The following TCF7L1 variants were observed in gnomAD, a reference collection of about 807,000 sequenced individuals.
TCF7L1 encodes the protein transcription factor 7-like 1.
In TCF7L1, 18 loss-of-function variants were observed where a neutral mutation model predicts 63.7. The observed-to-expected ratio is 0.28, with a 90% CI of 0.20 to 0.42. The LOEUF is 0.42. Among genes scored for constraint, TCF7L1 ranks in the 10% least tolerant of loss-of-function variants. The probability of loss-of-function intolerance (pLI) is 1.00; values close to 1 mark genes in which losing one functional copy is unlikely to be tolerated. For synonymous variants in TCF7L1, 355 were observed against 340.9 expected, an observed-to-expected ratio of 1.04 and a Z score of -0.46; for missense variants, 654 against 779.3, an observed-to-expected ratio of 0.84 and a Z score of 1.91.
intron 6 of TCF7L1, 55 bp from the exon 7 acceptor site, chr2:85,304,200 C>T: frequency 6.4e-7 from 1 of 1,552,358 alleles, no homozygotes; most frequent in Non-Finnish European, 8.8e-7. Flanking sequence ...AAGTGCCTCT[C>T]TTCCTCTGCC....
At chr2:85,250,406 A>G (rs1680561003) in intron 3 of TCF7L1, among the ~76,000 whole-genome samples, 1 of 151,998 alleles carries the variant, frequency 6.6e-6, no homozygotes, top group Non-Finnish European at 1.5e-5. Flanking sequence ...TCGGTAATAT[A>G]TTAAATATTA....
At position 85,306,550 on chromosome 2, in the gene TCF7L1, G is replaced by C. The variant is rs1451868988; in HGVS notation, c.1248G>C (p.Arg416=). 1 of 1,614,164 alleles carries C rather than the reference G, an allele frequency of 6.2e-7. No homozygotes were observed. Among genetic ancestry groups the C allele is most frequent in the Non-Finnish European group, 8.5e-7 (1 of 1,180,020 alleles). Residue 416 remains arginine (R), a synonymous_variant, in exon 10 of 12, where the codon CGG becomes CGC. Coordinates refer to ENST00000282111, the MANE Select transcript of TCF7L1 (RefSeq NM_031283.3). The surrounding 1 kb of genome is among the most constrained non-coding windows in gnomAD (Gnocchi z 4.3). ...HSQLYPTWSA[R]DNYGKKKKRK... ...AGCTCTACCCAACCTGGTCAGCCCG[G>C]GACAACTATGTAAGTGCACACTCTG... is the stretch of plus-strand genomic sequence containing the variant.
At chr2:85,179,049 G>C (rs1225199902) in intron 3 of TCF7L1, among the ~76,000 whole-genome samples, 3 of 152,260 alleles carry the variant, frequency 2.0e-5, no homozygotes, top group Admixed American at 6.5e-5. Flanking sequence ...CAGAGCTGGT[G>C]CTTCTCTCCA....
At chr2:85,181,545 G>A (rs1678806158) in intron 3 of TCF7L1, among the ~76,000 whole-genome samples, 1 of 152,128 alleles carries the variant, frequency 6.6e-6, no homozygotes, top group Non-Finnish European at 1.5e-5. Flanking sequence ...GCACACACAG[G>A]GAACCCCAGG....
Position 85,166,733 on chromosome 2 carries a change from G to T in TCF7L1, c.441+32283G>T, listed in dbSNP as rs1335563416. ...CAGAGCACACTCAAAAACTAAGGTG[G>T]TGGTTTTGTCCCAAAGCTGGTCATG... On this transcript the variant is annotated intron_variant, in intron 3 of 11. Transcript: ENST00000282111. Among the ~76,000 whole-genome samples the T allele has an allele frequency of 2.6e-5, 4 of 152,198 alleles. No individual in the cohort carries two copies. In the East Asian group the frequency reaches 7.7e-4, roughly 29 times the overall value.
intron 3 of TCF7L1, among the ~76,000 whole-genome samples, chr2:85,190,636 T>C (rs941814012): frequency 6.6e-6 from 1 of 152,166 alleles, no homozygotes; most frequent in African/African-American, 2.4e-5. Flanking sequence ...CTAAGGAGCC[T>C]TTGTGTTTCT....
chr2:85,285,061 G>A (rs778593572), intron 4 of TCF7L1, among the ~76,000 whole-genome samples: 4 of 152,072 alleles, frequency 2.6e-5, no homozygotes, highest in Non-Finnish European at 5.9e-5. Context: ...GTGAAACACC[G>A]TCTCTACTAA....
chr2:85,221,677 C>G (rs1003918851), intron 3 of TCF7L1, among the ~76,000 whole-genome samples: 1 of 152,120 alleles, frequency 6.6e-6, no homozygotes, highest in African/African-American at 2.4e-5. Context: ...AGGGCACAGC[C>G]CTCATAACCT....
intron 3 of TCF7L1, among the ~76,000 whole-genome samples, chr2:85,244,474 T>G (rs1680413902): frequency 6.6e-6 from 1 of 151,432 alleles, no homozygotes; most frequent in South Asian, 2.1e-4. Flanking sequence ...GAAGGAGGAG[T>G]GACAGGATTT....
At chr2:85,199,996 TACA>T (rs1181114513) in intron 3 of TCF7L1, among the ~76,000 whole-genome samples, 1 of 152,238 alleles carries the variant, frequency 6.6e-6, no homozygotes, top group Non-Finnish European at 1.5e-5. Context: ...GATGGAGTCA[TACA>T]ACATGTGGCC....
intron 4 of TCF7L1, among the ~76,000 whole-genome samples, chr2:85,301,027 G>A (rs531705316): frequency 5.9e-5 from 9 of 152,168 alleles, no homozygotes; most frequent in African/African-American, 7.2e-5. Flanking sequence ...TGTTCTGCCC[G>A]CCTTGGCCTC....
intron 3 of TCF7L1, among the ~76,000 whole-genome samples, chr2:85,211,162 T>C (rs1349041828): frequency 6.6e-6 from 1 of 152,242 alleles, no homozygotes; most frequent in Non-Finnish European, 1.5e-5. Context: ...AATTGCTTTC[T>C]TATTTACTGA....
chr2:85,221,046 C>T (rs1679830111), intron 3 of TCF7L1, among the ~76,000 whole-genome samples: 1 of 152,186 alleles, frequency 6.6e-6, no homozygotes, highest in African/African-American at 2.4e-5. Flanking sequence ...TATTGTTACG[C>T]ACTCAGGTAC....
chr2:85,223,485 A>G (rs1431359834), intron 3 of TCF7L1, among the ~76,000 whole-genome samples: 1 of 152,082 alleles, frequency 6.6e-6, no homozygotes, highest in Admixed American at 6.5e-5. Context: ...GGTTAGAGGG[A>G]GGGGCCGGCA....
intron 3 of TCF7L1, among the ~76,000 whole-genome samples, chr2:85,180,577 A>G (rs145110719): frequency 2.6e-4 from 39 of 152,264 alleles, no homozygotes; most frequent in African/African-American, 9.1e-4. Flanking sequence ...CCTCAGTGGA[A>G]TCTTCCACAC....
chr2:85,158,116 C>T (rs1160736223), intron 3 of TCF7L1, among the ~76,000 whole-genome samples: 1 of 152,168 alleles, frequency 6.6e-6, no homozygotes, highest in Non-Finnish European at 1.5e-5. Context: ...GTGTAAGGTG[C>T]TAGCTGAGTG....
chr2:85,133,758 C>T lies in TCF7L1; in HGVS notation c.74C>T (p.Ala25Val). Residue 25 changes from alanine to valine, a missense_variant, in exon 1 of 12, where the codon GCG becomes GTG. Ala to Val is a moderately conservative substitution (Grantham distance 64, BLOSUM62 0). Coordinates refer to ENST00000282111, the MANE Select transcript of TCF7L1 (RefSeq NM_031283.3). The surrounding 1 kb of genome is among the most constrained non-coding windows in gnomAD (Gnocchi z 4.4). ...GGAGGCGGCGGCTCCAGCGCCGGGG[C>T]GGCCGGCGGAGGGGACGACCTCGGG... ...SGGGGGSSAG[A>V]AGGGDDLGAN... 2 of 1,238,978 alleles carry T rather than the reference C, an allele frequency of 1.6e-6. No individual in the cohort carries two copies. Among genetic ancestry groups the T allele is most frequent in the Non-Finnish European group, 2.0e-6 (2 of 990,860 alleles). 76.7% of individuals were successfully genotyped at this position (1,238,978 alleles called of 1,614,324 possible). A position where few individuals can be genotyped will look rare whatever the true frequency, so the allele number is the denominator to read the frequency against.
At chr2:85,158,527 G>T (rs560433490) in intron 3 of TCF7L1, among the ~76,000 whole-genome samples, 1 of 152,164 alleles carries the variant, frequency 6.6e-6, no homozygotes, top group Non-Finnish European at 1.5e-5. Context: ...GAGAGGTTGG[G>T]GGCAGAAAGA....
Position 85,184,753 on chromosome 2 carries a change from T to C in TCF7L1, c.441+50303T>C, listed in dbSNP as rs550857089. Among the ~76,000 whole-genome samples the C allele has an allele frequency of 9.8e-5, 15 of 152,286 alleles. No homozygotes were observed. The East Asian group carries it at 2.1e-3, about 22-fold the overall frequency. On this transcript the variant is annotated intron_variant, in intron 3 of 11. Coordinates refer to ENST00000282111, the MANE Select transcript of TCF7L1 (RefSeq NM_031283.3). ...CTGAGGTGGCCCTGCTGATGTTCCC[T>C]GCCCTTGGTATAGGGGCGGGACAAG...
Sources: allele counts gnomAD v4.1 joint callset (sites outside exome capture counted in the v4.1 genomes callset), GRCh38; gene constraint gnomAD v4.1.1; non-coding constraint Gnocchi (gnomAD v3.1); transcripts MANE v1.5; gene names NCBI Gene and HGNC (gene_info 2026-07-23, HGNC 2026-07-21).